Variants in CTIF observed in about 807,000 individuals in gnomAD.
CTIF encodes the protein cap binding complex dependent translation initiation factor, also known as CBP80/20-dependent translation initiation factor.
CTIF carries 21 observed loss-of-function variants against 66.0 expected under a neutral mutation model. The observed-to-expected ratio is 0.32, with a 90% CI of 0.23 to 0.46. The LOEUF (loss-of-function observed/expected upper bound fraction) is 0.46. CTIF is among the 20% of genes least tolerant of loss of function. The pLI is 1.00. For missense variants in CTIF, 739 were observed against 812.7 expected (o/e 0.91, Z 1.10); for synonymous variants, 345 against 326.4 (o/e 1.06, Z -0.62).
chr18:48,647,126 G>A (rs536964083), intron 3 of CTIF, among the ~76,000 whole-genome samples: 1 of 152,344 alleles, frequency 6.6e-6, no homozygotes, highest in South Asian at 2.1e-4. Flanking sequence ...GAGAAGGAAT[G>A]AATGCCTGAT....
chr18:48,567,006 A>C (rs1435250571), intron 1 of CTIF: 1 of 152,254 alleles, frequency 6.6e-6, no homozygotes, highest in Non-Finnish European at 1.5e-5. Context: ...TCAAAGGGTT[A>C]GTAGTCTCAT....
At chr18:48,663,493 A>G (rs938493512) in intron 3 of CTIF, among the ~76,000 whole-genome samples, 4 of 151,988 alleles carry the variant, frequency 2.6e-5, no homozygotes, top group African/African-American at 9.7e-5. Flanking sequence ...GGAGGCTTTG[A>G]GGAGAGAGCC....
intron 9 of CTIF, among the ~76,000 whole-genome samples, chr18:48,809,127 T>A (rs557051550): frequency 2.6e-5 from 4 of 152,230 alleles, no homozygotes; most frequent in Non-Finnish European, 4.4e-5. Flanking sequence ...CACTTAAGTA[T>A]TTTATTGCTT....
At chr18:48,610,918 G>T (rs1157020342) in intron 1 of CTIF, among the ~76,000 whole-genome samples, 2 of 152,222 alleles carry the variant, frequency 1.3e-5, no homozygotes, top group Non-Finnish European at 2.9e-5. Flanking sequence ...AGGAGTATCT[G>T]TCATGTCACT....
At chr18:48,632,253 C>G (rs1406783043) in intron 2 of CTIF, among the ~76,000 whole-genome samples, 1 of 152,156 alleles carries the variant, frequency 6.6e-6, no homozygotes, top group Non-Finnish European at 1.5e-5. Flanking sequence ...GATGGAGCCC[C>G]ACAAGCCCAG....
chr18:48,594,996 G>A (rs1177329029), intron 1 of CTIF, among the ~76,000 whole-genome samples: 3 of 152,228 alleles, frequency 2.0e-5, no homozygotes, highest in Non-Finnish European at 4.4e-5. Context: ...GCCGTGAGCT[G>A]AGTGGTGCCA....
chr18:48,799,086 C>A (rs372555504), intron 9 of CTIF, among the ~76,000 whole-genome samples: 1 of 152,194 alleles, frequency 6.6e-6, no homozygotes, highest in Non-Finnish European at 1.5e-5. Flanking sequence ...CAGCCAGCAG[C>A]CTCGGGTCAC....
rs1350458081 is a variant in CTIF at position 48,615,254 on chromosome 18, C to T, written c.-28-4284C>T. On this transcript the variant is annotated intron_variant, in intron 1 of 11. Coordinates refer to ENST00000256413, the MANE Select transcript of CTIF (RefSeq NM_014772.3). ...AATAAAAAATTGGGGGCCTAAGTGCCGGGCTGTACTTCCAGGCTGAGAGCT... is the reference window on the plus strand; with the variant it reads ...AATAAAAAATTGGGGGCCTAAGTGCTGGGCTGTACTTCCAGGCTGAGAGCT... Among the ~76,000 whole-genome samples the T allele has an allele frequency of 5.3e-5, 8 of 152,240 alleles. No homozygotes were observed. The East Asian group carries it at 5.8e-4, about 11-fold the overall frequency.
At chr18:48,593,432 G>T (rs1599205160) in intron 1 of CTIF, among the ~76,000 whole-genome samples, 2 of 150,180 alleles carry the variant, frequency 1.3e-5, no homozygotes, top group East Asian at 3.9e-4. Flanking sequence ...CCAGGCCAGA[G>T]TGCAGTGGCG....
intron 1 of CTIF, among the ~76,000 whole-genome samples, chr18:48,557,188 A>G (rs2089042183): frequency 6.6e-6 from 1 of 152,124 alleles, no homozygotes; most frequent in African/African-American, 2.4e-5. Context: ...GAAGAGATAG[A>G]GAACTGCAGA....
At chr18:48,834,251 CAGCCGTAGA>C (rs1280632135) in intron 10 of CTIF, among the ~76,000 whole-genome samples, 1 of 152,202 alleles carries the variant, frequency 6.6e-6, no homozygotes, top group African/African-American at 2.4e-5. Context: ...GCGGAAAAAG[CAGCCGTAGA>C]CGATATGCAA....
At chr18:48,548,643 T>G (rs891563531) in intron 1 of CTIF, among the ~76,000 whole-genome samples, 1 of 152,254 alleles carries the variant, frequency 6.6e-6, no homozygotes, top group African/African-American at 2.4e-5. Context: ...AAGGACCCTG[T>G]GCAGACAAGG....
In CTIF at chr18:48,758,016, CA is replaced by C. The variant is rs1908562183; in HGVS notation, c.683del (p.Gln228ArgfsTer28). 3 of 1,614,036 alleles carry C rather than the reference CA, an allele frequency of 1.9e-6. No homozygotes were observed. The highest frequency in any genetic ancestry group is 2.2e-5 in the East Asian group (1 of 44,874). ...KHNRDHQKSY[Q>X]GGSAPHPSGR... The stretch of plus-strand genomic sequence containing the variant: ...CAACAGGGACCACCAGAAATCCTAC[CA>C]GGGGGGCTCAGCACCCCACCCCTCA... On this transcript the variant is annotated frameshift_variant, in exon 8 of 12. Coordinates refer to ENST00000256413, the MANE Select transcript of CTIF (RefSeq NM_014772.3). LOFTEE classifies it high-confidence loss of function.
chr18:48,682,360 CT>C (rs988361562), intron 6 of CTIF, among the ~76,000 whole-genome samples: 1 of 152,214 alleles, frequency 6.6e-6, no homozygotes, highest in African/African-American at 2.4e-5. Context: ...AGTGTGGCCC[CT>C]GATCAGCAGC....
chr18:48,686,711 C>G (rs568339796), intron 6 of CTIF, among the ~76,000 whole-genome samples: 2 of 152,292 alleles, frequency 1.3e-5, no homozygotes, highest in Admixed American at 6.5e-5. Flanking sequence ...CATATTTAGA[C>G]TTCGATCTGG....
chr18:48,632,696 G>A (rs2090741289), intron 2 of CTIF, among the ~76,000 whole-genome samples: 1 of 152,098 alleles, frequency 6.6e-6, no homozygotes, highest in Admixed American at 6.5e-5. Context: ...CCCCTCTTGG[G>A]CACCTCACTC....
intron 10 of CTIF, among the ~76,000 whole-genome samples, chr18:48,839,909 T>C (rs1047190872): frequency 6.6e-6 from 1 of 152,144 alleles, no homozygotes; most frequent in Non-Finnish European, 1.5e-5. Context: ...AAAGCCATGC[T>C]TTCTTTCAAA....
chr18:48,848,905 C>T (rs149185601), intron 10 of CTIF, among the ~76,000 whole-genome samples: 6 of 152,374 alleles, frequency 3.9e-5, no homozygotes, highest in African/African-American at 1.4e-4. Context: ...AATGCATTCG[C>T]TTCCGAACAA....
chr18:48,609,576 C>T (rs546565782), intron 1 of CTIF, among the ~76,000 whole-genome samples: 19 of 152,288 alleles, frequency 1.2e-4, no homozygotes, highest in African/African-American at 4.1e-4. Context: ...GCCCAGAGTC[C>T]GCCCAACAGC....
Sources: allele counts gnomAD v4.1 joint callset (sites outside exome capture counted in the v4.1 genomes callset), GRCh38; gene constraint gnomAD v4.1.1; transcripts MANE v1.5; gene names NCBI Gene and HGNC (gene_info 2026-07-23, HGNC 2026-07-21).